The following LRRIQ3 variants were observed in gnomAD, a reference collection of about 807,000 sequenced individuals.
LRRIQ3 encodes the protein leucine rich repeats and IQ motif containing 3, also known as leucine-rich repeat and IQ domain-containing protein 3.
Under a neutral mutation model 59.3 loss-of-function variants are expected in LRRIQ3, and 75 were observed. The observed-to-expected ratio is 1.26, with a 90% CI of 1.05 to 1.53. The LOEUF is 1.53. LRRIQ3 is among the 40% of genes most tolerant of loss of function. The probability of loss-of-function intolerance (pLI) is 0.00; values close to 1 mark genes in which losing one functional copy is unlikely to be tolerated. For missense variants in LRRIQ3, 831 were observed against 710.0 expected, an observed-to-expected ratio of 1.17 and a Z score of -1.94; for synonymous variants, 250 against 231.3, an observed-to-expected ratio of 1.08 and a Z score of -0.73.
intron 5 of LRRIQ3, among the ~76,000 whole-genome samples, chr1:74,090,438 A>G (rs1045855587): frequency 1.3e-5 from 2 of 152,122 alleles, no homozygotes; most frequent in African/African-American, 4.8e-5. Context: ...AGTATTTAAA[A>G]TACAGCTAAA....
At chr1:74,049,748 T>C (rs183613276) in intron 6 of LRRIQ3, among the ~76,000 whole-genome samples, 2 of 152,240 alleles carry the variant, frequency 1.3e-5, no homozygotes. Flanking sequence ...CAACGTCATA[T>C]TCAAATTGTT....
chr1:74,153,936 C>T (rs1175848595), intron 4 of LRRIQ3, among the ~76,000 whole-genome samples: 1 of 151,954 alleles, frequency 6.6e-6, no homozygotes, highest in Non-Finnish European at 1.5e-5. Flanking sequence ...AATATAACAA[C>T]AACAATGATA....
chr1:74,058,372 GAAT>G (rs1471104284), intron 6 of LRRIQ3, among the ~76,000 whole-genome samples: 6 of 151,654 alleles, frequency 4.0e-5, no homozygotes, highest in Admixed American at 2.0e-4. Context: ...ATACACAATG[GAAT>G]ATTATGCAGA....
chr1:74,153,766 A>C (rs920727664), intron 4 of LRRIQ3, among the ~76,000 whole-genome samples: 2 of 151,184 alleles, frequency 1.3e-5, no homozygotes, highest in Non-Finnish European at 3.0e-5. Flanking sequence ...GCAATATCCC[A>C]AACATTTGTC....
In LRRIQ3 at chr1:74,183,587, A is replaced by G. The variant is rs761066811; in HGVS notation, c.98T>C (p.Val33Ala). 1 of 1,612,036 alleles carries G rather than the reference A, an allele frequency of 6.2e-7. No individual in the cohort carries two copies. The highest frequency in any genetic ancestry group is 2.2e-5 in the East Asian group (1 of 44,696). Reference protein sequence around the residue: ...IREGQKDFVFVKFNGLHLKSM... With the variant: ...IREGQKDFVFAKFNGLHLKSM... ...CTTTAAATGAAGGCCATTGAACTTC[A>G]CAAAAACAAAATCTTTTTGACCTTC... The change falls in exon 2 of 8, where the codon GTG becomes GCG. Residue 33 changes from valine (V) to alanine (A), a missense_variant. Physicochemically the swap from Val to Ala is moderately conservative, Grantham distance 64 (BLOSUM62 0). Transcript: ENST00000354431.
chr1:74,106,377 G>C (rs957887063), intron 5 of LRRIQ3, among the ~76,000 whole-genome samples: 5 of 151,936 alleles, frequency 3.3e-5, no homozygotes, highest in African/African-American at 1.2e-4. Context: ...GGGGATGGCG[G>C]GGGGAGGAAG....
At chr1:74,085,885 A>C (rs1051524768) in intron 5 of LRRIQ3, among the ~76,000 whole-genome samples, 1 of 152,074 alleles carries the variant, frequency 6.6e-6, no homozygotes, top group African/African-American at 2.4e-5. Flanking sequence ...AACACAGTTA[A>C]TTCTAACACA....
intron 5 of LRRIQ3, among the ~76,000 whole-genome samples, chr1:74,098,062 C>A (rs1404701027): frequency 3.3e-5 from 5 of 152,090 alleles, no homozygotes; most frequent in African/African-American, 9.7e-5. Context: ...ACAATATTAA[C>A]CTTAAATGTA....
At chr1:74,046,462 G>A (rs1205849078) in intron 6 of LRRIQ3, among the ~76,000 whole-genome samples, 13 of 152,084 alleles carry the variant, frequency 8.5e-5, no homozygotes, top group Admixed American at 7.9e-4. Flanking sequence ...ACTCAAGATG[G>A]ATTAAAGACT....
At chr1:74,125,945 T>C (rs11210422) in intron 4 of LRRIQ3, among the ~76,000 whole-genome samples, 1 of 151,692 alleles carries the variant, frequency 6.6e-6, no homozygotes. Context: ...TCTTCTTTAA[T>C]TGTTTAGTAA....
intron 7 of LRRIQ3, among the ~76,000 whole-genome samples, chr1:74,029,657 C>A (rs961801921): frequency 6.6e-6 from 1 of 152,014 alleles, no homozygotes; most frequent in Non-Finnish European, 1.5e-5. Flanking sequence ...GTCTAAAATT[C>A]TCTTTTTTGT....
At chr1:74,188,426 T>A (rs935431714) in intron 1 of LRRIQ3, among the ~76,000 whole-genome samples, 42 of 152,226 alleles carry the variant, frequency 2.8e-4, no homozygotes, top group South Asian at 8.3e-4. Flanking sequence ...AGCAAAAATT[T>A]AAAAAATCCA....
intron 4 of LRRIQ3, among the ~76,000 whole-genome samples, chr1:74,114,651 G>T (rs182842052): frequency 6.6e-6 from 1 of 151,890 alleles, no homozygotes; most frequent in African/African-American, 2.4e-5. Context: ...CAGGAGAATG[G>T]CATGAACCAG....
intron 4 of LRRIQ3, among the ~76,000 whole-genome samples, chr1:74,129,600 T>C (rs1038401118): frequency 6.6e-6 from 1 of 151,992 alleles, no homozygotes; most frequent in Non-Finnish European, 1.5e-5. Context: ...GTACCTAATC[T>C]GCAAGATGAA....
rs143330204 is a variant in LRRIQ3, at chr1:74,177,960, T to C, written c.573+4578A>G. 2.0e-3 allele frequency among the ~76,000 whole-genome samples: 300 copies of C among 152,158 alleles called. 1 individual carries two copies. The highest frequency in any genetic ancestry group is 6.7e-3 in the African/African-American group (278 of 41,586). On this transcript the variant is annotated intron_variant, in intron 3 of 7. Coordinates refer to ENST00000354431, the MANE Select transcript of LRRIQ3 (RefSeq NM_001105659.2). ...TATTTATCAAAGTATTTATGGTATA[T>C]GTTTTTGCATAATACTATTGTGCAC...
At chr1:74,105,238 GGTGTGT>G (rs34023288) in intron 5 of LRRIQ3, among the ~76,000 whole-genome samples, 8 of 148,574 alleles carry the variant, frequency 5.4e-5, no homozygotes, top group South Asian at 2.1e-4. Flanking sequence ...ACATCTATGT[GGTGTGT>G]GTGTGTGTGT....
At chr1:74,111,822 A>G (rs1261000226) in intron 4 of LRRIQ3, among the ~76,000 whole-genome samples, 3 of 152,078 alleles carry the variant, frequency 2.0e-5, no homozygotes, top group Non-Finnish European at 4.4e-5. Flanking sequence ...CCAAGAACAT[A>G]GGATCCCTCT....
At chr1:74,072,490 CATAT>C (rs890444866) in intron 6 of LRRIQ3, among the ~76,000 whole-genome samples, 1 of 149,824 alleles carries the variant, frequency 6.7e-6, no homozygotes, top group Non-Finnish European at 1.5e-5. Context: ...CTTTTGTGCT[CATAT>C]ATATATATAT....
intron 6 of LRRIQ3, 63 bp from the exon 7 acceptor site, chr1:74,041,996 C>A: frequency 7.3e-7 from 1 of 1,377,954 alleles, no homozygotes; most frequent in Non-Finnish European, 9.5e-7. Flanking sequence ...TATTTTCTCT[C>A]CAAATATATC....
Sources: gnomAD v4.1 joint callset for allele counts (sites outside exome capture counted in the v4.1 genomes callset) on GRCh38, gnomAD v4.1.1 for gene constraint, MANE v1.5 for transcripts, NCBI Gene and HGNC (gene_info 2026-07-23, HGNC 2026-07-21) for gene names.